Variants in KCNH7 observed in about 807,000 individuals in gnomAD.
The protein encoded by KCNH7 is potassium voltage-gated channel subfamily H member 7.
Under a neutral mutation model 120.8 loss-of-function variants are expected in KCNH7, and 49 were observed. The ratio of observed to expected loss-of-function variants is 0.41; its 90% CI spans 0.32 to 0.51. The LOEUF is 0.51. Ranked by LOEUF, KCNH7 falls within the 20% of genes least tolerant of loss-of-function variation. The pLI is 0.38. For missense variants in KCNH7, 1,097 were observed against 1,446.6 expected, an observed-to-expected ratio of 0.76 and a Z score of 3.92; for synonymous variants, 547 against 516.1, an observed-to-expected ratio of 1.06 and a Z score of -0.81.
intron 6 of KCNH7, among the ~76,000 whole-genome samples, chr2:162,491,344 C>A (rs1385962585): frequency 6.6e-6 from 1 of 152,182 alleles, no homozygotes; most frequent in Non-Finnish European, 1.5e-5. Flanking sequence ...ATATGGGCAG[C>A]TTTTCTATGC....
chr2:162,744,700 G>A (rs1380238965), intron 2 of KCNH7, among the ~76,000 whole-genome samples: 2 of 151,268 alleles, frequency 1.3e-5, no homozygotes, highest in Non-Finnish European at 2.9e-5. Context: ...AGCCTCCCGA[G>A]TAGCTGGGAC....
chr2:162,666,991 C>A (rs1685153093), intron 2 of KCNH7, among the ~76,000 whole-genome samples: 1 of 151,068 alleles, frequency 6.6e-6, no homozygotes, highest in Admixed American at 6.6e-5. Flanking sequence ...CAGAACTATA[C>A]CTTCTAGTCT....
intron 6 of KCNH7, among the ~76,000 whole-genome samples, chr2:162,459,248 T>C (rs1689072244): frequency 6.6e-6 from 1 of 152,044 alleles, no homozygotes; most frequent in African/African-American, 2.4e-5. Context: ...CAGTACCTGG[T>C]ATATACATGT....
chr2:162,491,667 G>T (rs1051298278), intron 6 of KCNH7, among the ~76,000 whole-genome samples: 1 of 152,128 alleles, frequency 6.6e-6, no homozygotes, highest in Non-Finnish European at 1.5e-5. Flanking sequence ...GGCATTCATG[G>T]GTGGCACCCT....
At chr2:162,797,223 GCT>G (rs1185581772) in intron 2 of KCNH7, 1 of 152,004 alleles carries the variant, frequency 6.6e-6, no homozygotes, top group Non-Finnish European at 1.5e-5. Flanking sequence ...TCAACATGAT[GCT>G]CTGTCAAGCC....
chr2:162,808,856 T>A (rs1024558071), intron 2 of KCNH7, among the ~76,000 whole-genome samples: 1 of 152,162 alleles, frequency 6.6e-6, no homozygotes, highest in Admixed American at 6.5e-5. Flanking sequence ...GGAGAAGGGT[T>A]CCAGGTGCAA....
chr2:162,609,051 G>GC (rs982459851), intron 2 of KCNH7, among the ~76,000 whole-genome samples: 16 of 152,002 alleles, frequency 1.1e-4, no homozygotes, highest in Admixed American at 2.0e-4. Flanking sequence ...GACACCGCCA[G>GC]CCCCCCAACA....
rs1479231663 is a variant in KCNH7, at chr2:162,443,802, A to G, written c.1554+2216T>C. 2.0e-5 allele frequency among the ~76,000 whole-genome samples: 3 copies of G among 152,140 alleles called. No individual in the cohort carries two copies. In the East Asian group the frequency reaches 5.8e-4, roughly 29 times the overall value. ...AGCCAGAATAAGTAAGAAATCCCAC[A>G]TATCTAGGTGATTTGGTCTCTGTCT... On this transcript the variant is annotated intron_variant, in intron 7 of 15. Transcript: ENST00000332142.
At chr2:162,766,565 C>T (rs1292312160) in intron 2 of KCNH7, among the ~76,000 whole-genome samples, 2 of 152,082 alleles carry the variant, frequency 1.3e-5, no homozygotes, top group Non-Finnish European at 2.9e-5. Context: ...TAGTGGAGAA[C>T]TGTTTGTTTG....
intron 2 of KCNH7, among the ~76,000 whole-genome samples, chr2:162,573,845 T>C (rs1327486867): frequency 6.6e-6 from 1 of 152,008 alleles, no homozygotes; most frequent in African/African-American, 2.4e-5. Flanking sequence ...TTAAGGAAAA[T>C]GCAGAGATAT....
At chr2:162,763,528 C>A (rs1259304538) in intron 2 of KCNH7, among the ~76,000 whole-genome samples, 1 of 151,970 alleles carries the variant, frequency 6.6e-6, no homozygotes, top group African/African-American at 2.4e-5. Context: ...CGTAAAGTTC[C>A]AAAATTGTTA....
At chr2:162,757,746 A>G (rs1688836791) in intron 2 of KCNH7, among the ~76,000 whole-genome samples, 1 of 152,174 alleles carries the variant, frequency 6.6e-6, no homozygotes. Flanking sequence ...CTCACAAGAC[A>G]ATAACTAGGG....
intron 2 of KCNH7, among the ~76,000 whole-genome samples, chr2:162,542,286 C>T (rs1692334778): frequency 6.7e-6 from 1 of 149,614 alleles, no homozygotes; most frequent in African/African-American, 2.5e-5. Flanking sequence ...TTTTAGGGTA[C>T]ATGTGCACAA....
chr2:162,582,969 T>C (rs1442625723), intron 2 of KCNH7, among the ~76,000 whole-genome samples: 1 of 152,096 alleles, frequency 6.6e-6, no homozygotes, highest in Non-Finnish European at 1.5e-5. Flanking sequence ...CTGAGTAGCA[T>C]TTTAAACGTT....
At chr2:162,824,628 T>A (rs1328113890) in intron 2 of KCNH7, among the ~76,000 whole-genome samples, 4 of 152,094 alleles carry the variant, frequency 2.6e-5, no homozygotes, top group African/African-American at 9.7e-5. Flanking sequence ...TACTATTATA[T>A]TGGAATAAAT....
chr2:162,455,325 G>C (rs1361128446), intron 6 of KCNH7, among the ~76,000 whole-genome samples: 1 of 152,150 alleles, frequency 6.6e-6, no homozygotes, highest in African/African-American at 2.4e-5. Flanking sequence ...TGCCCTGCTG[G>C]ATTTGGTTTG....
chr2:162,674,351 G>T (rs1325896289), intron 2 of KCNH7, among the ~76,000 whole-genome samples: 1 of 151,740 alleles, frequency 6.6e-6, no homozygotes, highest in African/African-American at 2.4e-5. Context: ...CATTTAAGAA[G>T]ATCTGAGTAA....
intron 2 of KCNH7, among the ~76,000 whole-genome samples, chr2:162,662,750 C>G (rs1367539090): frequency 6.6e-6 from 1 of 152,062 alleles, no homozygotes; most frequent in Admixed American, 6.6e-5. Context: ...ACTGGTTTCA[C>G]CTAAAAGTGT....
At chr2:162,711,910 T>A (rs1040386672) in intron 2 of KCNH7, among the ~76,000 whole-genome samples, 1 of 152,128 alleles carries the variant, frequency 6.6e-6, no homozygotes, top group African/African-American at 2.4e-5. Context: ...GGGCAATAGA[T>A]ATGAAAGGAT....
Sources: allele counts gnomAD v4.1 joint callset (sites outside exome capture counted in the v4.1 genomes callset), GRCh38; gene constraint gnomAD v4.1.1; transcripts MANE v1.5; gene names NCBI Gene and HGNC (gene_info 2026-07-23, HGNC 2026-07-21).